UNC45A: variants seen among roughly 807,000 people sequenced by gnomAD.
UNC45A encodes protein unc-45 homolog A.
UNC45A carries 78 observed loss-of-function variants against 103.2 expected under a neutral mutation model. The observed-to-expected ratio is 0.76, with a 90% CI of 0.63 to 0.91. The LOEUF (loss-of-function observed/expected upper bound fraction) is 0.91, where lower values mean the gene tolerates loss of function less well. UNC45A is among the 40% of genes least tolerant of loss of function. The pLI, the probability that UNC45A is intolerant of heterozygous loss-of-function variation, is 0.00. For synonymous variants in UNC45A, 495 were observed against 504.6 expected, an observed-to-expected ratio of 0.98 and a Z score of 0.25; for missense variants, 1,193 against 1,224.8, an observed-to-expected ratio of 0.97 and a Z score of 0.39.
chr15:90,946,898 G>T lies in UNC45A; in HGVS notation c.1484G>T (p.Arg495Leu). The change falls in exon 10 of 20, where the codon CGC becomes CTC. Residue 495 changes from arginine (R) to leucine (L), a missense_variant. Physicochemically the swap from Arg to Leu is moderately radical, Grantham distance 102. Coordinates refer to ENST00000418476, the MANE Select transcript of UNC45A (RefSeq NM_018671.5). ...LYKCSEKDSI[R>L]IRALVGLCKL... The stretch of plus-strand genomic sequence containing the variant: ...AAGTGCAGCGAGAAGGACAGCATCC[G>T]CATCCGGGCGCTAGTGGTGAGACGG... 1.3e-6 allele frequency: 2 copies of T among 1,532,114 alleles called. No individual in the cohort carries two copies. Among genetic ancestry groups the T allele is most frequent in the Middle Eastern group, 1.8e-4 (1 of 5,710 alleles). 94.9% of individuals were successfully genotyped at this position (1,532,114 alleles called of 1,614,324 possible).
At chr15:90,931,246 T>A, upstream of UNC45A, 3 of 1,550,162 alleles carry the variant, frequency 1.9e-6, no homozygotes, top group Non-Finnish European at 1.7e-6. Context: ...GAGGCTGGAG[T>A]TGTGCCTCTG....
At position 90,952,765 on chromosome 15, in the gene UNC45A, CTT is replaced by C. The variant is rs2036987968; in HGVS notation, c.2304-163_2304-162del. 4 of 634,212 alleles carry C rather than the reference CTT, an allele frequency of 6.3e-6. No individual in the cohort carries two copies. In the South Asian group the frequency reaches 7.6e-5, roughly 12 times the overall value. 39.3% of individuals were successfully genotyped at this position (634,212 alleles called of 1,614,324 possible). ...TTTAAATAACCAGATCTCACGAGAA[CTT>C]ACTATCACGAGGATAGCACCAAGCC... On this transcript the variant is annotated intron_variant, in intron 17 of 19. Coordinates refer to ENST00000418476, the MANE Select transcript of UNC45A (RefSeq NM_018671.5).
intron 7 of UNC45A, 31 bp from the exon 8 acceptor site, chr15:90,942,881 G>GA (rs1157149352): frequency 6.3e-7 from 1 of 1,579,068 alleles, no homozygotes; most frequent in South Asian, 1.2e-5. Context: ...GGCTGCTGTG[G>GA]AGCCCACTGA....
upstream of UNC45A, chr15:90,934,888 C>T (rs1373456617): frequency 2.5e-5 from 11 of 445,664 alleles, no homozygotes; most frequent in Non-Finnish European, 4.3e-5. Flanking sequence ...CCCCACAGAG[C>T]GCAGCAGCGA....
In UNC45A at chr15:90,942,357, C is replaced by A. The variant is rs76356407; in HGVS notation, c.688-80C>A. The A allele has an allele frequency of 8.0e-6, 12 of 1,491,926 alleles. No individual in the cohort carries two copies. The East Asian group carries it at 2.3e-4, about 28-fold the overall frequency. The allele number at this position is 1,491,926 out of a possible 1,614,324, so 92.4% of individuals were successfully genotyped here. On this transcript the variant is annotated intron_variant, in intron 6 of 19. Coordinates refer to ENST00000418476, the MANE Select transcript of UNC45A (RefSeq NM_018671.5). ...CCCAATTCTCTCCTTCTGGCCGTAT[C>A]CTCTAACTCACAGTTAGGGATCTCT...
upstream of UNC45A, chr15:90,934,754 G>C: frequency 5.0e-6 from 2 of 399,418 alleles, no homozygotes; most frequent in Non-Finnish European, 4.4e-6. Context: ...GAGCCATCCT[G>C]AATCTGCCCA....
chr15:90,931,806 G>A (rs775019544), upstream of UNC45A: 6 of 1,614,042 alleles, frequency 3.7e-6, no homozygotes, highest in African/African-American at 6.7e-5. Flanking sequence ...TCCACCTGCA[G>A]CCTCTTTCTC....
chr15:90,944,597 G>A (rs543868423), intron 8 of UNC45A, among the ~76,000 whole-genome samples: 113 of 152,234 alleles, frequency 7.4e-4, no homozygotes, highest in African/African-American at 2.6e-3. Context: ...TATGAGGTGT[G>A]GATATTCTTT....
intron 1 of UNC45A, 82 bp downstream of exon 1, chr15:90,935,457 C>T (rs2151353241): frequency 9.5e-6 from 15 of 1,575,796 alleles, no homozygotes; most frequent in Admixed American, 1.8e-5. Context: ...CCATGAGGCT[C>T]GCCCCGATCC....
At chr15:90,934,959 C>G, upstream of UNC45A, 6 of 471,426 alleles carry the variant, frequency 1.3e-5, no homozygotes, top group Non-Finnish European at 2.2e-5. Flanking sequence ...CAGGCCCGCT[C>G]CTAGTGCTGG....
chr15:90,945,297 GCA>G (rs941329267), intron 9 of UNC45A, among the ~76,000 whole-genome samples: 2 of 152,058 alleles, frequency 1.3e-5, no homozygotes, highest in African/African-American at 4.8e-5. Flanking sequence ...ACGCCATCAA[GCA>G]CGTACTGGGT....
In UNC45A at chr15:90,944,991, G is replaced by C; in HGVS notation, c.1127G>C (p.Ser376Thr). ...CGCATGAGCGCCTCTATTCTCCTCA[G>C]CAAGCTCTTTGATGACCTCAAGTGT... ...NSRMSASILL[S>T]KLFDDLKCDA... Residue 376 changes from serine to threonine, a missense_variant, in exon 9 of 20, where the codon AGC (serine) becomes ACC (threonine). Physicochemically the swap from Ser to Thr is moderately conservative, Grantham distance 58. Coordinates refer to ENST00000418476, the MANE Select transcript of UNC45A (RefSeq NM_018671.5). 1 of 1,613,008 alleles carries C rather than the reference G, an allele frequency of 6.2e-7. No homozygotes were observed. Among genetic ancestry groups the C allele is most frequent in the South Asian group, 1.1e-5 (1 of 91,034 alleles).
At chr15:90,944,418 A>G (rs1218507653) in intron 8 of UNC45A, among the ~76,000 whole-genome samples, 1 of 152,110 alleles carries the variant, frequency 6.6e-6, no homozygotes, top group African/African-American at 2.4e-5. Context: ...AAAGCTTTGC[A>G]AAGGCCTTGC....
chr15:90,935,816 C>T, intron 2 of UNC45A, 111 bp downstream of exon 2: 2 of 1,543,312 alleles, frequency 1.3e-6, no homozygotes, highest in Non-Finnish European at 1.7e-6. Context: ...TCCCCGCTTG[C>T]CAGATGTTTT....
In UNC45A at chr15:90,951,804, G is replaced by T. The variant is rs138773074; in HGVS notation, c.2304-1125G>T. Among the ~76,000 whole-genome samples, 21 of 152,236 alleles carry T rather than the reference G, an allele frequency of 1.4e-4. No homozygotes were observed. In the East Asian group the frequency reaches 3.9e-3, roughly 28 times the overall value. On this transcript the variant is annotated intron_variant, in intron 17 of 19. Transcript: ENST00000418476. ...GTGGTGGCGTGCACCTGTAGTCCCAGCTACTCGAGAGGCTGAGGCAGGAGG... is the reference window on the plus strand; with the variant it reads ...GTGGTGGCGTGCACCTGTAGTCCCATCTACTCGAGAGGCTGAGGCAGGAGG...
chr15:90,932,412 G>A (rs1269213318), upstream of UNC45A: 6 of 1,325,830 alleles, frequency 4.5e-6, no homozygotes, highest in South Asian at 1.2e-4. Flanking sequence ...CCGGCGCTCC[G>A]CGGCCGACGC....
intron 4 of UNC45A, among the ~76,000 whole-genome samples, chr15:90,938,176 T>G (rs1332019024): frequency 1.3e-5 from 2 of 152,182 alleles, no homozygotes; most frequent in Non-Finnish European, 2.9e-5. Flanking sequence ...CGGTGACCCC[T>G]GGGGAAAGGA....
Position 90,942,573 on chromosome 15 carries a change from G to T in UNC45A, c.824G>T (p.Gly275Val), listed in dbSNP as rs779745920. 6.2e-7 allele frequency: 1 copy of T among 1,614,198 alleles called. No homozygotes were observed. Among genetic ancestry groups the T allele is most frequent in the Non-Finnish European group, 8.5e-7 (1 of 1,180,034 alleles). Residue 275 changes from glycine (G) to valine (V), a missense_variant, in exon 7 of 20, where the codon GGC becomes GTC. By Grantham distance (109) the Gly-to-Val change is moderately radical. Transcript: ENST00000418476. ...FDALKEGVKK[G>V]FRGKEGAIIV... is the part of the protein sequence containing the mutation. ...GCCCTCAAGGAAGGTGTCAAAAAAG[G>T]CTTCCGAGGCAAAGAAGGTGCCATC...
chr15:90,948,626 C>G (rs200850273), intron 12 of UNC45A, 28 bp from the exon 13 acceptor site: 6 of 1,610,622 alleles, frequency 3.7e-6, no homozygotes, highest in Non-Finnish European at 5.1e-6. Flanking sequence ...CCCGGGATGC[C>G]CATGTGAATT....
Sources: allele counts gnomAD v4.1 joint callset (sites outside exome capture counted in the v4.1 genomes callset), GRCh38; gene constraint gnomAD v4.1.1; transcripts MANE v1.5; gene names NCBI Gene and HGNC (gene_info 2026-07-23, HGNC 2026-07-21).